USP6NL: variants seen among roughly 807,000 people sequenced by gnomAD.
The protein encoded by USP6NL is USP6 N-terminal-like protein.
A neutral mutation model predicts 61.9 loss-of-function variants in USP6NL; 26 were observed. That is an observed-to-expected ratio of 0.42 (90% CI 0.31 to 0.58). USP6NL has a LOEUF of 0.58. Ranked by LOEUF, USP6NL falls within the 20% of genes least tolerant of loss-of-function variation. The pLI, the probability that USP6NL is intolerant of heterozygous loss-of-function variation, is 0.16. For missense variants in USP6NL, 1,114 were observed against 1,034.3 expected, an observed-to-expected ratio of 1.08 and a Z score of -1.06; for synonymous variants, 432 against 390.1, an observed-to-expected ratio of 1.11 and a Z score of -1.27.
At position 11,470,499 on chromosome 10, in the gene USP6NL, G is replaced by T. The variant is rs997969418; in HGVS notation, c.1079-6650C>A. On this transcript the variant is annotated intron_variant, in intron 14 of 14. Transcript: ENST00000609104. The surrounding 1 kb of genome is among the most constrained non-coding windows in gnomAD (Gnocchi z 5.4). ...TGCAGACCCTGTAAGAAGGACGAATGCCATCACCAGTAACATTTTTATATG... is the reference window on the plus strand; with the variant it reads ...TGCAGACCCTGTAAGAAGGACGAATTCCATCACCAGTAACATTTTTATATG... Among the ~76,000 whole-genome samples, 1 of 152,148 alleles carries T rather than the reference G, an allele frequency of 6.6e-6. No individual in the cohort carries two copies. Among genetic ancestry groups the T allele is most frequent in the Non-Finnish European group, 1.5e-5 (1 of 68,022 alleles).
chr10:11,479,302 T>G (rs904233187), intron 14 of USP6NL, among the ~76,000 whole-genome samples: 1 of 151,866 alleles, frequency 6.6e-6, no homozygotes, highest in African/African-American at 2.4e-5. Flanking sequence ...AACAGACCAA[T>G]AGAAAAATGG....
intron 2 of USP6NL, among the ~76,000 whole-genome samples, chr10:11,556,016 G>A (rs1465082883): frequency 1.3e-5 from 2 of 152,082 alleles, no homozygotes; most frequent in Admixed American, 1.3e-4. Flanking sequence ...TCTACGAGCA[G>A]AAAAACACGA....
intron 2 of USP6NL, among the ~76,000 whole-genome samples, chr10:11,584,754 T>C (rs1201178579): frequency 6.6e-6 from 1 of 151,992 alleles, no homozygotes; most frequent in African/African-American, 2.4e-5. Context: ...CTGGTCAACA[T>C]GGCAAAACCC....
In USP6NL at chr10:11,531,327, C is replaced by CT. The variant is rs962272805; in HGVS notation, c.5-3761dup. ...GTAGATCAACTACTTTATTTTTTTT[C>CT]TTTTTTTCTTTTTGAGACCGAGTCT... On this transcript the variant is annotated intron_variant, in intron 2 of 14. Transcript: ENST00000609104. 5.3e-5 allele frequency among the ~76,000 whole-genome samples: 8 copies of CT among 151,426 alleles called. No individual in the cohort carries two copies. In the East Asian group the frequency reaches 1.2e-3, roughly 22 times the overall value.
intron 2 of USP6NL, among the ~76,000 whole-genome samples, chr10:11,547,854 G>C (rs1337122251): frequency 6.6e-6 from 1 of 152,128 alleles, no homozygotes; most frequent in African/African-American, 2.4e-5. Flanking sequence ...ACTTTAAAGT[G>C]CTATATAAAT....
rs910059870 is a variant in USP6NL, at chr10:11,470,009, G to A, written c.1079-6160C>T. On this transcript the variant is annotated intron_variant, in intron 14 of 14. Transcript: ENST00000609104. The surrounding 1 kb of genome is among the most constrained non-coding windows in gnomAD (Gnocchi z 5.4). The stretch of plus-strand genomic sequence containing the variant: ...GTAATATTCTCAGAAATTCCACAAT[G>A]AGCAGTGTATATACAGCTTACGTTT... 6.6e-6 allele frequency among the ~76,000 whole-genome samples: 1 copy of A among 152,206 alleles called. No individual in the cohort carries two copies. The highest frequency in any genetic ancestry group is 2.4e-5 in the African/African-American group (1 of 41,446).
chr10:11,605,540 A>G (rs1347228656), intron 1 of USP6NL, among the ~76,000 whole-genome samples: 3 of 152,182 alleles, frequency 2.0e-5, no homozygotes, highest in Non-Finnish European at 4.4e-5. Flanking sequence ...TGAGAAATAA[A>G]AGAGACCATA....
chr10:11,529,636 T>C (rs1285472088), intron 2 of USP6NL, among the ~76,000 whole-genome samples: 1 of 152,222 alleles, frequency 6.6e-6, no homozygotes, highest in African/African-American at 2.4e-5. Context: ...AAAATACAGA[T>C]GAGTTGTTCA....
Position 11,463,187 on chromosome 10 carries a change from G to T in USP6NL, c.1741C>A (p.Leu581Ile). Residue 581 changes from leucine to isoleucine, a missense_variant, in exon 15 of 15, where the codon CTT becomes ATT. Transcript: ENST00000609104. The surrounding 1 kb of genome is among the most constrained non-coding windows in gnomAD (Gnocchi z 6.3). ...TGCTTTCTCGGGCTAGGAGGGTAAA[G>T]GGCATGCCGGGGGCTCTGGGAGTAA... is the stretch of plus-strand genomic sequence containing the variant. ...RAYSQSPRHA[L>I]YPPSPRKHAE... 1 of 1,613,568 alleles carries T rather than the reference G, an allele frequency of 6.2e-7. No individual in the cohort carries two copies. The highest frequency in any genetic ancestry group is 8.5e-7 in the Non-Finnish European group (1 of 1,179,888).
At chr10:11,564,245 C>T (rs1837041686) in intron 2 of USP6NL, 2 of 152,148 alleles carry the variant, frequency 1.3e-5, no homozygotes, top group African/African-American at 4.8e-5. Context: ...TACTTCAGCA[C>T]ATTTAAATTA....
rs761686387 is a variant in USP6NL, at chr10:11,525,482, CA to C, written c.73-15del. On this transcript the variant is annotated splice_polypyrimidine_tract_variant and intron_variant, in intron 3 of 14. Coordinates refer to ENST00000609104, the MANE Select transcript of USP6NL (RefSeq NM_014688.5). This position sits in a 1 kb window ranked among gnomAD's most constrained non-coding sequence, Gnocchi z 5.0. ...ACCTTCTCGTCCCTAAAATAAGGCACAAAAAAAGGTGTTAATCAGAGTTTAT... is the reference window on the plus strand; with the variant it reads ...ACCTTCTCGTCCCTAAAATAAGGCACAAAAAAGGTGTTAATCAGAGTTTAT... 2.0e-5 allele frequency: 31 copies of C among 1,536,760 alleles called. No homozygotes were observed. Among genetic ancestry groups the C allele is most frequent in the East Asian group, 7.3e-5 (3 of 41,060 alleles).
Position 11,495,259 on chromosome 10 carries a change from T to C in USP6NL, c.385-2031A>G, listed in dbSNP as rs1444898604. Among the ~76,000 whole-genome samples the C allele has an allele frequency of 6.6e-6, 1 of 152,120 alleles. No homozygotes were observed. The highest frequency in any genetic ancestry group is 1.5e-5 in the Non-Finnish European group (1 of 68,032). ...GGTTATGATTATAGAGCGAGGATTATTATAATATTGGAATATAGAGTAATT... is the reference window on the plus strand; with the variant it reads ...GGTTATGATTATAGAGCGAGGATTACTATAATATTGGAATATAGAGTAATT... On this transcript the variant is annotated intron_variant, in intron 7 of 14. Transcript: ENST00000609104. The surrounding 1 kb of genome is among the most constrained non-coding windows in gnomAD (Gnocchi z 4.6).
intron 7 of USP6NL, among the ~76,000 whole-genome samples, chr10:11,493,587 G>A (rs1166887597): frequency 6.6e-6 from 1 of 152,202 alleles, no homozygotes; most frequent in Middle Eastern, 3.2e-3. Context: ...TTTCTTTCCA[G>A]GATGATGCTT....
intron 2 of USP6NL, among the ~76,000 whole-genome samples, chr10:11,582,379 G>A (rs1309214455): frequency 6.6e-6 from 1 of 152,226 alleles, no homozygotes; most frequent in East Asian, 1.9e-4. Flanking sequence ...GGAATTACAG[G>A]CGTGAGCCAC....
chr10:11,463,004 A>C lies in USP6NL; in HGVS notation c.1924T>G (p.Ser642Ala). 2 of 1,613,612 alleles carry C rather than the reference A, an allele frequency of 1.2e-6. No homozygotes were observed. The highest frequency in any genetic ancestry group is 2.2e-5 in the South Asian group (2 of 91,064). Residue 642 changes from serine (S) to alanine (A), a missense_variant, in exon 15 of 15, where the codon TCT (serine) becomes GCT (alanine). Transcript: ENST00000609104. The surrounding 1 kb of genome is among the most constrained non-coding windows in gnomAD (Gnocchi z 6.3). ...YSNPPVYHGN[S>A]PKHFPTANSS... is the part of the protein sequence containing the mutation. The stretch of plus-strand genomic sequence containing the variant: ...TTGGCAGTAGGGAAGTGTTTGGGAG[A>C]GTTTCCGTGGTAAACGGGGGGATTG...
At chr10:11,505,057 G>T (rs1031179817) in intron 6 of USP6NL, among the ~76,000 whole-genome samples, 2 of 152,184 alleles carry the variant, frequency 1.3e-5, no homozygotes. Context: ...TGCTGTGATG[G>T]TCACTTCTTA....
At position 11,597,659 on chromosome 10, in the gene USP6NL, T is replaced by G; in HGVS notation, c.-25A>C. ...TGACTGGAAATGGGTCTGAATGTTG[T>G]CCCAATCAGATATTAAACCAAAATC... is the stretch of plus-strand genomic sequence containing the variant. On this transcript the variant is annotated 5_prime_UTR_variant, in exon 2 of 15. Coordinates refer to ENST00000609104, the MANE Select transcript of USP6NL (RefSeq NM_014688.5). The surrounding 1 kb of genome is among the most constrained non-coding windows in gnomAD (Gnocchi z 4.6). 6.4e-7 allele frequency: 1 copy of G among 1,550,800 alleles called. No homozygotes were observed. The highest frequency in any genetic ancestry group is 8.7e-7 in the Non-Finnish European group (1 of 1,146,186).
chr10:11,593,345 AGTTT>A (rs1008698225), intron 2 of USP6NL, among the ~76,000 whole-genome samples: 7 of 152,180 alleles, frequency 4.6e-5, no homozygotes, highest in African/African-American at 1.4e-4. Flanking sequence ...GTTTTCACTT[AGTTT>A]TTTTTAAAAT....
At chr10:11,609,500 G>C (rs554012342) in intron 1 of USP6NL, among the ~76,000 whole-genome samples, 5 of 152,214 alleles carry the variant, frequency 3.3e-5, no homozygotes, top group Non-Finnish European at 5.9e-5. Context: ...ACATAAACCA[G>C]AATTGTAATC....
Sources: allele counts gnomAD v4.1 joint callset (sites outside exome capture counted in the v4.1 genomes callset), GRCh38; gene constraint gnomAD v4.1.1; non-coding constraint Gnocchi (gnomAD v3.1); transcripts MANE v1.5; gene names NCBI Gene and HGNC (gene_info 2026-07-23, HGNC 2026-07-21).